Variants in GNPAT observed in about 807,000 individuals in gnomAD.
GNPAT encodes glyceronephosphate O-acyltransferase, also known as dihydroxyacetone phosphate acyltransferase.
GNPAT carries 30 observed loss-of-function variants against 78.4 expected under a neutral mutation model. The ratio of observed to expected loss-of-function variants is 0.38; its 90% CI spans 0.29 to 0.52. GNPAT has a LOEUF of 0.52. Ranked by LOEUF, GNPAT falls within the 20% of genes least tolerant of loss-of-function variation. The probability of loss-of-function intolerance (pLI) is 0.84; values close to 1 mark genes in which losing one functional copy is unlikely to be tolerated. For missense variants in GNPAT, 714 were observed against 812.2 expected (o/e 0.88, Z 1.47); for synonymous variants, 271 against 281.1 (o/e 0.96, Z 0.36).
At chr1:231,250,146 G>A (rs1173436246) in intron 1 of GNPAT, among the ~76,000 whole-genome samples, 1 of 151,374 alleles carries the variant, frequency 6.6e-6, no homozygotes, top group African/African-American at 2.4e-5. Context: ...ATGTTGCCCA[G>A]GCTGGTCTTG....
chr1:231,254,748 GA>G (rs200593115), intron 2 of GNPAT, among the ~76,000 whole-genome samples: 5 of 149,788 alleles, frequency 3.3e-5, no homozygotes, highest in Non-Finnish European at 5.9e-5. Context: ...GCGTCCGGCC[GA>G]AAAAAATTTT....
At chr1:231,244,445 G>T (rs996470495) in intron 1 of GNPAT, among the ~76,000 whole-genome samples, 3 of 152,166 alleles carry the variant, frequency 2.0e-5, no homozygotes, top group African/African-American at 7.2e-5. Context: ...TTTGAATGTG[G>T]TGGCTAAGGA....
chr1:231,274,312 T>A lies in GNPAT; in HGVS notation c.1743+250T>A, dbSNP rs538422038. ...CTTAGTGATGCCATGGTCACAGTAT[T>A]CACAGGACCACAGTTACACCCACGC... On this transcript the variant is annotated intron_variant, in intron 12 of 15. Coordinates refer to ENST00000366647, the MANE Select transcript of GNPAT (RefSeq NM_014236.4). 4.1e-4 allele frequency among the ~76,000 whole-genome samples: 62 copies of A among 152,326 alleles called. 1 individual carries two copies. The South Asian group carries it at 9.9e-3, about 24-fold the overall frequency.
At chr1:231,264,131 TC>T (rs1685305559) in intron 4 of GNPAT, among the ~76,000 whole-genome samples, 1 of 152,236 alleles carries the variant, frequency 6.6e-6, no homozygotes, top group Non-Finnish European at 1.5e-5. Flanking sequence ...GTTCCCTGGT[TC>T]CCTGTGCTTT....
intron 11 of GNPAT, among the ~76,000 whole-genome samples, chr1:231,273,460 C>G (rs929329709): frequency 1.3e-5 from 2 of 151,946 alleles, no homozygotes; most frequent in Non-Finnish European, 2.9e-5. Flanking sequence ...ACTGTGTTAG[C>G]CAGGATGGTC....
chr1:231,260,741 A>G, intron 3 of GNPAT, 58 bp downstream of exon 3: 2 of 1,148,920 alleles, frequency 1.7e-6, no homozygotes, highest in Non-Finnish European at 2.6e-6. Context: ...AAATTAAACA[A>G]AAAAAAAAAC....
Position 231,266,109 on chromosome 1 carries a change from G to A in GNPAT, c.868G>A (p.Glu290Lys). ...TATCAGTTATGATAAGATCTTGGAA[G>A]AAACTCTTTATGTGTATGAGCTTCT... The part of the protein sequence containing the change: ...ISISYDKILE[E>K]TLYVYELLGV... Residue 290 changes from glutamate to lysine, a missense_variant, in exon 7 of 16, where the codon GAA (glutamate) becomes AAA (lysine). Coordinates refer to ENST00000366647, the MANE Select transcript of GNPAT (RefSeq NM_014236.4). 6.2e-7 allele frequency: 1 copy of A among 1,612,694 alleles called. No homozygotes were observed. Among genetic ancestry groups the A allele is most frequent in the Non-Finnish European group, 8.5e-7 (1 of 1,178,810 alleles).
At position 231,262,828 on chromosome 1, in the gene GNPAT, G is replaced by A. The variant is rs771155494; in HGVS notation, c.544G>A (p.Val182Met). 6.2e-7 allele frequency: 1 copy of A among 1,612,404 alleles called. No individual in the cohort carries two copies. The highest frequency in any genetic ancestry group is 8.5e-7 in the Non-Finnish European group (1 of 1,178,506). ...TCTTCTATACAATTATGATTTGCCT[G>A]TGCCAGTTATAGCAGCAGGAATGGG... is the stretch of plus-strand genomic sequence containing the variant. ...SFLLYNYDLP[V>M]PVIAAGMDFL... Residue 182 changes from valine (V) to methionine (M), a missense_variant, in exon 4 of 16, where the codon GTG (valine) becomes ATG (methionine). By Grantham distance (21) the Val-to-Met change is conservative. Transcript: ENST00000366647.
At chr1:231,259,432 G>C (rs1685158788) in intron 2 of GNPAT, among the ~76,000 whole-genome samples, 1 of 152,100 alleles carries the variant, frequency 6.6e-6, no homozygotes, top group African/African-American at 2.4e-5. Flanking sequence ...CGGATCACCT[G>C]AGGTCGGGAG....
At chr1:231,273,872 A>C in intron 11 of GNPAT, 50 bp from the exon 12 acceptor site, 1 of 1,491,032 alleles carries the variant, frequency 6.7e-7, no homozygotes, top group Non-Finnish European at 9.4e-7. Flanking sequence ...TCAGATGGGC[A>C]CTATACCCAT....
At chr1:231,252,206 A>C (rs1334469765) in intron 2 of GNPAT, among the ~76,000 whole-genome samples, 1 of 152,150 alleles carries the variant, frequency 6.6e-6, no homozygotes, top group East Asian at 1.9e-4. Context: ...TAGACTAGGG[A>C]GTGGTTGTAG....
chr1:231,250,945 C>A lies in GNPAT; in HGVS notation c.79-16C>A. 6.4e-7 allele frequency: 1 copy of A among 1,556,404 alleles called. No homozygotes were observed. On this transcript the variant is annotated splice_polypyrimidine_tract_variant and intron_variant, in intron 1 of 15. Transcript: ENST00000366647. The stretch of plus-strand genomic sequence containing the variant: ...TTTTACAGTATGTGCTCATTACTTT[C>A]TTGCCTTATCCACAGAAGGAGCTCA...
At position 231,266,016 on chromosome 1, in the gene GNPAT, C is replaced by T; in HGVS notation, c.775C>T (p.Leu259Phe). ...GCATTTCTCCCTGTGTTTTGCAGGT[C>T]TTCTGAATATTGTGATGGAGCCATT... ...SAKTLTPKFG[L>F]LNIVMEPFFK... The change falls in exon 7 of 16, where the codon CTT (leucine) becomes TTT (phenylalanine). Residue 259 changes from leucine to phenylalanine, a missense_variant and splice_region_variant. Transcript: ENST00000366647. 1 of 1,611,672 alleles carries T rather than the reference C, an allele frequency of 6.2e-7. No individual in the cohort carries two copies. The highest frequency in any genetic ancestry group is 8.5e-7 in the Non-Finnish European group (1 of 1,178,814).
chr1:231,241,374 G>T lies in GNPAT; in HGVS notation c.-5G>T. 1 of 1,611,124 alleles carries T rather than the reference G, an allele frequency of 6.2e-7. No individual in the cohort carries two copies. The highest frequency in any genetic ancestry group is 1.1e-5 in the South Asian group (1 of 91,020). ...CCAGACCCCGCCCGGGAAGGCAGCC[G>T]CACCATGGAGTCTTCCAGTTCATCT... On this transcript the variant is annotated 5_prime_UTR_variant, in exon 1 of 16. Coordinates refer to ENST00000366647, the MANE Select transcript of GNPAT (RefSeq NM_014236.4).
chr1:231,266,328 G>A lies in GNPAT; in HGVS notation c.976G>A (p.Val326Met), dbSNP rs779624314. ...CTCTGAAAATTTTGGAAGCATCCAT[G>A]TGTACTTTGGAGATCCTGTGTCACT... ...ILSENFGSIH[V>M]YFGDPVSLRS... The change falls in exon 8 of 16, where the codon GTG becomes ATG. Residue 326 changes from valine to methionine, a missense_variant. Transcript: ENST00000366647. 4.3e-6 allele frequency: 7 copies of A among 1,613,942 alleles called. No individual in the cohort carries two copies. The African/African-American group carries it at 6.7e-5, about 15-fold the overall frequency.
intron 2 of GNPAT, among the ~76,000 whole-genome samples, chr1:231,253,363 T>C (rs889890025): frequency 3.3e-5 from 5 of 152,252 alleles, no homozygotes; most frequent in Non-Finnish European, 7.3e-5. Flanking sequence ...CAACTTCCTC[T>C]CTGACCTCTT....
intron 15 of GNPAT, among the ~76,000 whole-genome samples, chr1:231,276,970 G>T (rs895749599): frequency 3.9e-5 from 6 of 152,164 alleles, no homozygotes; most frequent in Non-Finnish European, 5.9e-5. Flanking sequence ...ATAAATGTCT[G>T]TTGGGATTTG....
At chr1:231,275,715 A>T (rs1210333202) in intron 14 of GNPAT, among the ~76,000 whole-genome samples, 1 of 152,234 alleles carries the variant, frequency 6.6e-6, no homozygotes, top group Non-Finnish European at 1.5e-5. Flanking sequence ...AGGAAGAAAT[A>T]ACTTTAGGCC....
chr1:231,252,755 T>C (rs1684934028), intron 2 of GNPAT, among the ~76,000 whole-genome samples: 1 of 152,128 alleles, frequency 6.6e-6, no homozygotes, highest in Non-Finnish European at 1.5e-5. Flanking sequence ...AAAACAAGCA[T>C]GTATGCAACT....
Sources: allele counts gnomAD v4.1 joint callset (sites outside exome capture counted in the v4.1 genomes callset), GRCh38; gene constraint gnomAD v4.1.1; transcripts MANE v1.5; gene names NCBI Gene and HGNC (gene_info 2026-07-23, HGNC 2026-07-21).